NECAB1: variants seen among roughly 807,000 people sequenced by gnomAD.
NECAB1 encodes the protein N-terminal EF-hand calcium-binding protein 1.
In NECAB1, 29 loss-of-function variants were observed where a neutral mutation model predicts 57.5. The ratio of observed to expected loss-of-function variants is 0.50; its 90% CI spans 0.38 to 0.69. The LOEUF is 0.69. Among genes scored for constraint, NECAB1 ranks in the 30% least tolerant of loss-of-function variants. The probability of loss-of-function intolerance (pLI) is 0.00; values close to 1 mark genes in which losing one functional copy is unlikely to be tolerated. For missense variants in NECAB1, 372 were observed against 413.8 expected, an observed-to-expected ratio of 0.90 and a Z score of 0.88; for synonymous variants, 142 against 147.7, an observed-to-expected ratio of 0.96 and a Z score of 0.28.
At chr8:90,909,497 A>C (rs952070830) in intron 5 of NECAB1, among the ~76,000 whole-genome samples, 1 of 152,140 alleles carries the variant, frequency 6.6e-6, no homozygotes, top group Non-Finnish European at 1.5e-5. Flanking sequence ...GCTCACAAGA[A>C]CAATATTACC....
chr8:90,860,017 T>C (rs1345411709), intron 3 of NECAB1, among the ~76,000 whole-genome samples: 2 of 152,068 alleles, frequency 1.3e-5, no homozygotes, highest in Non-Finnish European at 2.9e-5. Context: ...GTTAAGACCA[T>C]GCAGCTAGAG....
At chr8:90,827,172 T>A (rs1402773188) in intron 3 of NECAB1, among the ~76,000 whole-genome samples, 1 of 152,012 alleles carries the variant, frequency 6.6e-6, no homozygotes, top group Non-Finnish European at 1.5e-5. Flanking sequence ...ATGCACTATA[T>A]ATGCCAATTA....
At chr8:90,819,447 A>G (rs1563496102) in intron 2 of NECAB1, among the ~76,000 whole-genome samples, 2 of 151,958 alleles carry the variant, frequency 1.3e-5, no homozygotes, top group African/African-American at 4.8e-5. Context: ...ATTTATGTCA[A>G]TCTCACTAGG....
intron 5 of NECAB1, among the ~76,000 whole-genome samples, chr8:90,906,893 A>ATATATATATGTATATATATATG (rs1586111092): frequency 1.5e-5 from 2 of 137,550 alleles, no homozygotes; most frequent in African/African-American, 5.7e-5. Context: ...ATATATATAT[A>ATATATATATGTATATATATATG]TATATATATA....
chr8:90,877,366 A>T (rs534165279), intron 4 of NECAB1, among the ~76,000 whole-genome samples: 1 of 152,174 alleles, frequency 6.6e-6, no homozygotes, highest in Non-Finnish European at 1.5e-5. Flanking sequence ...GAATTTGAGG[A>T]TGTCACTCTC....
chr8:90,947,820 GC>G, intron 10 of NECAB1, among the ~76,000 whole-genome samples: 1 of 152,200 alleles, frequency 6.6e-6, no homozygotes, highest in East Asian at 1.9e-4. Flanking sequence ...TGGAAGGTCT[GC>G]TGGGCTATAC....
At chr8:90,936,960 A>G (rs2130222247) in intron 9 of NECAB1, among the ~76,000 whole-genome samples, 1 of 152,316 alleles carries the variant, frequency 6.6e-6, no homozygotes, top group African/African-American at 2.4e-5. Context: ...ACAAACTGAG[A>G]AAGAATTAAG....
chr8:90,957,781 A>AT lies in NECAB1; in HGVS notation c.*2276dup, dbSNP rs551782970. The stretch of plus-strand genomic sequence containing the variant: ...AACAATAAGTTTATAGTTAACGAAG[A>AT]TTTTTTTCTATTTAAAACCCCATTT... On this transcript the variant is annotated 3_prime_UTR_variant, in exon 13 of 13. Coordinates refer to ENST00000417640, the MANE Select transcript of NECAB1 (RefSeq NM_022351.5). The AT allele has an allele frequency of 6.6e-5, 10 of 150,652 alleles. No homozygotes were observed. Among genetic ancestry groups the AT allele is most frequent in the Non-Finnish European group, 1.3e-4 (9 of 67,450 alleles). 9.3% of individuals were successfully genotyped at this position (150,652 alleles called of 1,614,324 possible).
intron 2 of NECAB1, chr8:90,813,227 GTATA>G (rs202202145): frequency 3.1e-3 from 216 of 70,080 alleles, no homozygotes; most frequent in African/African-American, 0.013. Context: ...ATATATATAT[GTATA>G]TATACACACA....
chr8:90,917,107 G>A lies in NECAB1; in HGVS notation c.358-385G>A, dbSNP rs952328539. Among the ~76,000 whole-genome samples, 9 of 152,094 alleles carry A rather than the reference G, an allele frequency of 5.9e-5. 1 individual carries two copies. The highest frequency in any genetic ancestry group is 1.7e-4 in the African/African-American group (7 of 41,410). ...GGTAATAGTGAAAATATATGATGGC[G>A]TGGTCAACATTCAAATGAGACATAG... On this transcript the variant is annotated intron_variant, in intron 5 of 12. Coordinates refer to ENST00000417640, the MANE Select transcript of NECAB1 (RefSeq NM_022351.5).
chr8:90,833,479 A>T (rs929849153), intron 3 of NECAB1, among the ~76,000 whole-genome samples: 2 of 152,084 alleles, frequency 1.3e-5, no homozygotes, highest in Non-Finnish European at 2.9e-5. Context: ...GTAGGTATAC[A>T]TGTGCCACGG....
chr8:90,910,128 T>C (rs907252804), intron 5 of NECAB1, among the ~76,000 whole-genome samples: 1 of 152,124 alleles, frequency 6.6e-6, no homozygotes, highest in African/African-American at 2.4e-5. Flanking sequence ...TTTTCTTCCA[T>C]TACTAATTCT....
At chr8:90,954,955 ATAT>A (rs576697081) in intron 12 of NECAB1, among the ~76,000 whole-genome samples, 189 of 145,644 alleles carry the variant, frequency 1.3e-3, no homozygotes, top group East Asian at 4.4e-3. Context: ...ACATGTATAC[ATAT>A]TATATGTATA....
In NECAB1 at chr8:90,959,169, C is replaced by A; in HGVS notation, c.*3657C>A. On this transcript the variant is annotated 3_prime_UTR_variant, in exon 13 of 13. Coordinates refer to ENST00000417640, the MANE Select transcript of NECAB1 (RefSeq NM_022351.5). ...GTTACCATAGAAACTATTAAAGTAACTAGAACTGTCAAATAACAAAACGGC... is the reference window on the plus strand; with the variant it reads ...GTTACCATAGAAACTATTAAAGTAAATAGAACTGTCAAATAACAAAACGGC... The A allele has an allele frequency of 2.3e-6, 1 of 439,530 alleles. No homozygotes were observed. The allele number at this position is 439,530 out of a possible 1,614,324, so 27.2% of individuals were successfully genotyped here.
At chr8:90,793,786 C>T (rs1489830908) in intron 1 of NECAB1, among the ~76,000 whole-genome samples, 2 of 152,280 alleles carry the variant, frequency 1.3e-5, no homozygotes, top group South Asian at 2.1e-4. Context: ...TAACAAACCC[C>T]GGTGATAGTG....
In NECAB1 at chr8:90,928,235, A is replaced by C; in HGVS notation, c.629A>C (p.Glu210Ala). Reference sequence around the variant, plus strand: ...CCCCTGGCCCCAGGCTTATTAGAAGAAGACAACCAGTGGATGACCCAGATA... The same window carrying C: ...CCCCTGGCCCCAGGCTTATTAGAAGCAGACAACCAGTGGATGACCCAGATA... ...FNVSGPGLLE[E>A]DNQWMTQINR... Residue 210 changes from glutamate (E) to alanine (A), a missense_variant, in exon 8 of 13, where the codon GAA becomes GCA. Physicochemically the swap from Glu to Ala is moderately radical, Grantham distance 107 (BLOSUM62 -1). Transcript: ENST00000417640. 1 of 1,608,996 alleles carries C rather than the reference A, an allele frequency of 6.2e-7. No homozygotes were observed. Among genetic ancestry groups the C allele is most frequent in the South Asian group, 1.1e-5 (1 of 90,524 alleles).
At chr8:90,812,808 TAAG>T (rs963999711) in intron 2 of NECAB1, 2 of 152,108 alleles carry the variant, frequency 1.3e-5, no homozygotes, top group South Asian at 2.1e-4. Context: ...AAAAGACAAA[TAAG>T]AAGATGAAAC....
At chr8:90,887,212 CTG>C (rs926126080) in intron 5 of NECAB1, among the ~76,000 whole-genome samples, 10 of 152,146 alleles carry the variant, frequency 6.6e-5, no homozygotes, top group Non-Finnish European at 1.0e-4. Context: ...GTTGACCAGT[CTG>C]TATATAGTCT....
intron 3 of NECAB1, among the ~76,000 whole-genome samples, chr8:90,841,738 A>G (rs1340684966): frequency 6.6e-6 from 1 of 152,204 alleles, no homozygotes; most frequent in African/African-American, 2.4e-5. Context: ...GTATTGAGAG[A>G]AAAGAATCCT....
Sources: gnomAD v4.1 joint callset for allele counts (sites outside exome capture counted in the v4.1 genomes callset) on GRCh38, gnomAD v4.1.1 for gene constraint, MANE v1.5 for transcripts, NCBI Gene and HGNC (gene_info 2026-07-23, HGNC 2026-07-21) for gene names.